IL20RA: variants seen among roughly 807,000 people sequenced by gnomAD.
IL20RA encodes interleukin-20 receptor subunit alpha.
A neutral mutation model predicts 36.5 loss-of-function variants in IL20RA; 29 were observed. The ratio of observed to expected loss-of-function variants is 0.79; its 90% confidence interval spans 0.59 to 1.08. The LOEUF is 1.08. Among genes scored for constraint, IL20RA ranks in the 50% least tolerant of loss-of-function variants. IL20RA has a pLI of 0.00. For synonymous variants in IL20RA, 279 were observed against 267.1 expected (o/e 1.04, Z -0.43); for missense variants, 652 against 668.4 (o/e 0.98, Z 0.27).
Position 137,008,583 on chromosome 6 carries a change from A to AT in IL20RA, c.724+15dup. 2.5e-6 allele frequency: 4 copies of AT among 1,577,354 alleles called. No individual in the cohort carries two copies. Among genetic ancestry groups the AT allele is most frequent in the Non-Finnish European group, 3.4e-6 (4 of 1,162,428 alleles). ...AGATCTCCTTCCTAGACCAGCAAAG[A>AT]TTTTTTAAAGCTTACCTTTCAAAGT... On this transcript the variant is annotated intron_variant, in intron 5 of 6. Coordinates refer to ENST00000316649, the MANE Select transcript of IL20RA (RefSeq NM_014432.4).
In IL20RA at chr6:137,025,776, C is replaced by T. The variant is rs186260217; in HGVS notation, c.89-8673G>A. Among the ~76,000 whole-genome samples, 15 of 152,288 alleles carry T rather than the reference C, an allele frequency of 9.8e-5. No homozygotes were observed. The East Asian group carries it at 2.7e-3, about 27-fold the overall frequency. On this transcript the variant is annotated intron_variant, in intron 1 of 6. Transcript: ENST00000316649. ...GGCCTCAAAGTGAATACTAGGGTTG[C>T]CATCTAAGTATGTTACAGTTTTAAT...
chr6:137,031,575 A>G (rs1484768435), intron 1 of IL20RA, among the ~76,000 whole-genome samples: 1 of 152,196 alleles, frequency 6.6e-6, no homozygotes, highest in East Asian at 1.9e-4. Flanking sequence ...CTAGGTGTGT[A>G]GTGGTAGGCT....
At chr6:137,040,561 C>T (rs1397562579) in intron 1 of IL20RA, among the ~76,000 whole-genome samples, 1 of 152,090 alleles carries the variant, frequency 6.6e-6, no homozygotes, top group Non-Finnish European at 1.5e-5. Flanking sequence ...GATGGGGTTC[C>T]TTAGAGGGAC....
chr6:137,020,354 T>C (rs1562236175), intron 1 of IL20RA, among the ~76,000 whole-genome samples: 1 of 152,184 alleles, frequency 6.6e-6, no homozygotes, highest in Non-Finnish European at 1.5e-5. Flanking sequence ...ACTGGAATCC[T>C]GACCCTCAAA....
chr6:137,027,393 A>T (rs1000646762), intron 1 of IL20RA, among the ~76,000 whole-genome samples: 1 of 152,166 alleles, frequency 6.6e-6, no homozygotes, highest in Non-Finnish European at 1.5e-5. Context: ...TTTCTCTGTA[A>T]TAATACTGTC....
intron 1 of IL20RA, among the ~76,000 whole-genome samples, chr6:137,042,433 T>C (rs1361305721): frequency 6.6e-6 from 1 of 152,186 alleles, no homozygotes; most frequent in African/African-American, 2.4e-5. Flanking sequence ...GTTTATATTA[T>C]GCTAATCATG....
chr6:137,039,962 A>T (rs1776627404), intron 1 of IL20RA, among the ~76,000 whole-genome samples: 1 of 152,234 alleles, frequency 6.6e-6, no homozygotes, highest in African/African-American at 2.4e-5. Flanking sequence ...AGTAAAGAAA[A>T]AAAAGGACTA....
chr6:137,004,827 G>A, intron 5 of IL20RA, 67 bp from the exon 6 acceptor site: 1 of 1,445,550 alleles, frequency 6.9e-7, no homozygotes. Context: ...TTGATGTGAT[G>A]GGAAAAACCT....
At chr6:137,044,216 G>A in intron 1 of IL20RA, 1 of 987,592 alleles carries the variant, frequency 1.0e-6, no homozygotes, top group Non-Finnish European at 1.2e-6. Flanking sequence ...CGGCCGAGAC[G>A]CGGCATCCAC....
chr6:137,039,779 C>A (rs1336018651), intron 1 of IL20RA, among the ~76,000 whole-genome samples: 1 of 152,126 alleles, frequency 6.6e-6, no homozygotes, highest in Admixed American at 6.5e-5. Flanking sequence ...CTGAGAAAAC[C>A]GTTTTGTATA....
At position 137,017,039 on chromosome 6, in the gene IL20RA, C is replaced by T. The variant is rs759647634; in HGVS notation, c.153G>A (p.Lys51=). 1.2e-6 allele frequency: 2 copies of T among 1,612,998 alleles called. No individual in the cohort carries two copies. The highest frequency in any genetic ancestry group is 1.7e-6 in the Non-Finnish European group (2 of 1,179,108). The change falls in exon 2 of 7, where the codon AAG becomes AAA. Residue 51 remains lysine, a synonymous_variant. Transcript: ENST00000316649. The part of the protein sequence containing the change: ...ANITFLSINM[K]NVLQWTPPEG... Reference sequence around the variant, plus strand: ...CTGGTGGAGTCCATTGTAGGACATTCTTCATGTTGATGGATAAGAAGGTGA... The same window carrying T: ...CTGGTGGAGTCCATTGTAGGACATTTTTCATGTTGATGGATAAGAAGGTGA...
chr6:137,034,303 C>A (rs114483237), intron 1 of IL20RA, among the ~76,000 whole-genome samples: 2,454 of 152,254 alleles, frequency 0.016, 69 homozygotes, highest in African/African-American at 0.055. Context: ...ATATTAACTA[C>A]TTGGTAATTT....
At chr6:137,025,103 C>T (rs78955731) in intron 1 of IL20RA, among the ~76,000 whole-genome samples, 1,848 of 152,278 alleles carry the variant, frequency 0.012, 11 homozygotes, top group Non-Finnish European at 0.019. Context: ...TTTGTGTCCC[C>T]TCTCAGTGTT....
intron 1 of IL20RA, chr6:137,044,221 A>T: frequency 1.0e-6 from 1 of 988,258 alleles, no homozygotes; most frequent in Non-Finnish European, 1.2e-6. Context: ...GAGACGCGGC[A>T]TCCACAGGGG....
At chr6:137,044,180 G>A (rs1776812249) in intron 1 of IL20RA, 1 of 986,380 alleles carries the variant, frequency 1.0e-6, no homozygotes, top group Non-Finnish European at 1.2e-6. Flanking sequence ...CTCGCGACGC[G>A]CGGCTTGCAG....
chr6:137,044,586 G>T, intron 1 of IL20RA, 55 bp downstream of exon 1: 3 of 1,216,194 alleles, frequency 2.5e-6, no homozygotes, highest in African/African-American at 1.6e-5. Context: ...TCTGCCTGGC[G>T]GGGCCCCGGC....
In IL20RA at chr6:137,001,684, G is replaced by A. The variant is rs766364275; in HGVS notation, c.1536C>T (p.Leu512=). The change falls in exon 7 of 7, where the codon CTC becomes CTT. Residue 512 remains leucine, a synonymous_variant. Transcript: ENST00000316649. ...EGCEPSEGDG[L]GEEGLLSRLY... ...GTCTAGATAGAAGACCCTCCTCTCC[G>A]AGCCCATCCCCCTCAGAAGGCTCGC... is the stretch of plus-strand genomic sequence containing the variant. 6.8e-6 allele frequency: 11 copies of A among 1,613,960 alleles called. No individual in the cohort carries two copies. The Admixed American group carries it at 8.3e-5, about 12-fold the overall frequency.
At chr6:137,043,761 T>C (rs965062357) in intron 1 of IL20RA, among the ~76,000 whole-genome samples, 2 of 152,162 alleles carry the variant, frequency 1.3e-5, no homozygotes, top group African/African-American at 4.8e-5. Flanking sequence ...CAAAGCACAG[T>C]ATTTGGAGAA....
chr6:137,034,100 C>T (rs1228529186), intron 1 of IL20RA, among the ~76,000 whole-genome samples: 1 of 152,180 alleles, frequency 6.6e-6, no homozygotes, highest in Non-Finnish European at 1.5e-5. Flanking sequence ...CAAAGAGCCG[C>T]AGACCACAGT....
Sources: gnomAD v4.1 joint callset for allele counts (sites outside exome capture counted in the v4.1 genomes callset) on GRCh38, gnomAD v4.1.1 for gene constraint, MANE v1.5 for transcripts, NCBI Gene and HGNC (gene_info 2026-07-23, HGNC 2026-07-21) for gene names.